MSRA: variants seen among roughly 807,000 people sequenced by gnomAD.
MSRA encodes methionine sulfoxide reductase A, also known as mitochondrial peptide methionine sulfoxide reductase.
In MSRA, 54 loss-of-function variants were observed where a neutral mutation model predicts 31.3. That is an observed-to-expected ratio of 1.73 (90% CI 1.39 to 2.17). The LOEUF (loss-of-function observed/expected upper bound fraction) is 2.17, where lower values mean the gene tolerates loss of function less well. Among genes scored for constraint, MSRA ranks in the 30% most tolerant of loss-of-function variants. The probability of loss-of-function intolerance (pLI) is 0.00; values close to 1 mark genes in which losing one functional copy is unlikely to be tolerated. For synonymous variants in MSRA, 169 were observed against 116.5 expected, an observed-to-expected ratio of 1.45 and a Z score of -2.90; for missense variants, 507 against 300.9, an observed-to-expected ratio of 1.69 and a Z score of -5.07.
chr8:10,237,013 G>A (rs2952241), intron 2 of MSRA, among the ~76,000 whole-genome samples: 24,395 of 152,122 alleles, frequency 0.16, 2,067 homozygotes, highest in East Asian at 0.27. Flanking sequence ...CTAGCTGATA[G>A]TACAAACACT....
At chr8:10,102,090 G>A (rs1799566391) in intron 1 of MSRA, among the ~76,000 whole-genome samples, 1 of 152,174 alleles carries the variant, frequency 6.6e-6, no homozygotes, top group Non-Finnish European at 1.5e-5. Context: ...TTCAAGGAAT[G>A]TGTTATGTTG....
At position 10,335,028 on chromosome 8, in the gene MSRA, G is replaced by A. The variant is rs1035507772; in HGVS notation, c.543+15039G>A. On this transcript the variant is annotated intron_variant, in intron 5 of 5. Transcript: ENST00000317173. ...CGTGTCCTTAGGTCTAGTGCCCTGC[G>A]CCATGGCCCCGTGCAGGTAGAGGCC... Among the ~76,000 whole-genome samples, 50 of 152,168 alleles carry A rather than the reference G, an allele frequency of 3.3e-4. 1 individual carries two copies. The highest frequency in any genetic ancestry group is 3.1e-3 in the Admixed American group (47 of 15,284).
chr8:10,288,066 T>C (rs936474417), intron 3 of MSRA, among the ~76,000 whole-genome samples: 2 of 152,198 alleles, frequency 1.3e-5, no homozygotes, highest in African/African-American at 4.8e-5. Flanking sequence ...GGTTGTGATG[T>C]TGGATTACGA....
rs568226530 is a variant in MSRA, at chr8:10,113,023, C to T, written c.142+58365C>T. Among the ~76,000 whole-genome samples the T allele has an allele frequency of 3.3e-5, 5 of 152,234 alleles. No individual in the cohort carries two copies. The East Asian group carries it at 9.7e-4, about 29-fold the overall frequency. ...ACCCCTGCAGTGACTTCTGTTGGCT[C>T]CTTGCATATTCTCTGTCTGCAGCTC... On this transcript the variant is annotated intron_variant, in intron 1 of 5. Coordinates refer to ENST00000317173, the MANE Select transcript of MSRA (RefSeq NM_012331.5).
chr8:10,221,165 G>A (rs893537281), intron 2 of MSRA, among the ~76,000 whole-genome samples: 2 of 152,180 alleles, frequency 1.3e-5, no homozygotes, highest in African/African-American at 4.8e-5. Flanking sequence ...AATAGCCAGT[G>A]CATGCTTTTA....
At chr8:10,264,403 AT>A (rs1369635726) in intron 3 of MSRA, among the ~76,000 whole-genome samples, 6 of 152,246 alleles carry the variant, frequency 3.9e-5, no homozygotes, top group Non-Finnish European at 8.8e-5. Context: ...TGCAAGATAT[AT>A]TTGATTCTAG....
At position 10,149,192 on chromosome 8, in the gene MSRA, G is replaced by A. The variant is rs577742784; in HGVS notation, c.143-58641G>A. Among the ~76,000 whole-genome samples the A allele has an allele frequency of 2.6e-5, 4 of 151,794 alleles. No individual in the cohort carries two copies. In the South Asian group the frequency reaches 8.3e-4, roughly 32 times the overall value. On this transcript the variant is annotated intron_variant, in intron 1 of 5. Coordinates refer to ENST00000317173, the MANE Select transcript of MSRA (RefSeq NM_012331.5). ...GCTGGAGTGCAATGGCACAGTCTCG[G>A]CTCACTGCAACTTCCGCCTCCCGGG...
At chr8:10,137,504 A>T (rs1563138694) in intron 1 of MSRA, among the ~76,000 whole-genome samples, 1 of 152,182 alleles carries the variant, frequency 6.6e-6, no homozygotes, top group Non-Finnish European at 1.5e-5. Context: ...GTATACTGGG[A>T]AATAAGAGAA....
intron 1 of MSRA, among the ~76,000 whole-genome samples, chr8:10,100,163 A>T (rs1447144698): frequency 6.6e-6 from 1 of 152,208 alleles, no homozygotes; most frequent in Non-Finnish European, 1.5e-5. Context: ...TTGAGAGGGC[A>T]TAAGGTGTTA....
intron 5 of MSRA, among the ~76,000 whole-genome samples, chr8:10,409,493 C>T (rs1808026398): frequency 6.6e-6 from 1 of 152,182 alleles, no homozygotes; most frequent in Non-Finnish European, 1.5e-5. Flanking sequence ...GCTCCAGAGT[C>T]AGACTGCCTG....
chr8:10,162,820 G>A (rs985439013), intron 1 of MSRA, among the ~76,000 whole-genome samples: 39 of 152,152 alleles, frequency 2.6e-4, no homozygotes, highest in African/African-American at 9.2e-4. Context: ...GCTTGCCCAA[G>A]GCCACACAGG....
chr8:10,392,254 T>C (rs972518551), intron 5 of MSRA, among the ~76,000 whole-genome samples: 1 of 152,230 alleles, frequency 6.6e-6, no homozygotes, highest in East Asian at 1.9e-4. Context: ...TCTTAAATTT[T>C]AAGAACTTAA....
At chr8:10,419,420 C>G (rs202242643) in intron 5 of MSRA, among the ~76,000 whole-genome samples, 2 of 152,070 alleles carry the variant, frequency 1.3e-5, no homozygotes, top group African/African-American at 4.8e-5. Flanking sequence ...AAAGTGAATT[C>G]AAGTAAGGTC....
At chr8:10,070,562 C>A (rs1176686906) in intron 1 of MSRA, among the ~76,000 whole-genome samples, 6 of 152,174 alleles carry the variant, frequency 3.9e-5, no homozygotes, top group Admixed American at 2.6e-4. Context: ...GTCATTACAA[C>A]GAGGATATTG....
chr8:10,081,122 G>A (rs1433885523), intron 1 of MSRA, among the ~76,000 whole-genome samples: 1 of 152,210 alleles, frequency 6.6e-6, no homozygotes, highest in Non-Finnish European at 1.5e-5. Context: ...GGCTGCACAC[G>A]TGGTCCAGTT....
At chr8:10,263,901 T>G (rs1563284725) in intron 3 of MSRA, among the ~76,000 whole-genome samples, 1 of 152,250 alleles carries the variant, frequency 6.6e-6, no homozygotes, top group Non-Finnish European at 1.5e-5. Context: ...TTTGGTCATT[T>G]TAAAAGCTTT....
chr8:10,130,457 C>T (rs983809668), intron 1 of MSRA, among the ~76,000 whole-genome samples: 1 of 152,164 alleles, frequency 6.6e-6, no homozygotes, highest in Admixed American at 6.5e-5. Flanking sequence ...GCATTGTGAT[C>T]ATTGTTCTCT....
chr8:10,218,721 A>G (rs1287835206), intron 2 of MSRA, among the ~76,000 whole-genome samples: 2 of 152,196 alleles, frequency 1.3e-5, no homozygotes, highest in Non-Finnish European at 2.9e-5. Flanking sequence ...GTGTCAGTGT[A>G]TATATGGATA....
chr8:10,300,474 T>G (rs1800783104), intron 3 of MSRA, among the ~76,000 whole-genome samples: 1 of 152,170 alleles, frequency 6.6e-6, no homozygotes, highest in Non-Finnish European at 1.5e-5. Context: ...CAGGCTGGTC[T>G]TGAACTCCTG....
Sources: gnomAD v4.1 joint callset for allele counts (sites outside exome capture counted in the v4.1 genomes callset) on GRCh38, gnomAD v4.1.1 for gene constraint, MANE v1.5 for transcripts, NCBI Gene and HGNC (gene_info 2026-07-23, HGNC 2026-07-21) for gene names.